The following WDR59 variants were observed in gnomAD, a reference collection of about 807,000 sequenced individuals.
WDR59 encodes WD repeat domain 59, also known as GATOR2 complex protein WDR59.
A neutral mutation model predicts 131.2 loss-of-function variants in WDR59; 100 were observed. The observed-to-expected ratio is 0.76, with a 90% CI of 0.65 to 0.90. WDR59 has a LOEUF of 0.90. Ranked by LOEUF, WDR59 falls within the 40% of genes least tolerant of loss-of-function variation. The probability of loss-of-function intolerance (pLI) is 0.00; values close to 1 mark genes in which losing one functional copy is unlikely to be tolerated. For synonymous variants in WDR59, 601 were observed against 466.2 expected (o/e 1.29, Z -3.72); for missense variants, 1,203 against 1,262.2 (o/e 0.95, Z 0.71).
intron 5 of WDR59, among the ~76,000 whole-genome samples, chr16:74,949,378 A>AAGGAAAG (rs1472074079): frequency 6.8e-6 from 1 of 146,724 alleles, no homozygotes; most frequent in African/African-American, 2.5e-5. Context: ...GAGAGGAAGG[A>AAGGAAAG]AGGAAAGACA....
chr16:74,975,294 G>C (rs974259102), intron 1 of WDR59, among the ~76,000 whole-genome samples: 1 of 152,094 alleles, frequency 6.6e-6, no homozygotes, highest in Non-Finnish European at 1.5e-5. Flanking sequence ...CCAGGAGTTG[G>C]AGAATGCAGT....
intron 8 of WDR59, among the ~76,000 whole-genome samples, chr16:74,927,683 A>AAC (rs61511176): frequency 0.023 from 2,676 of 118,220 alleles, 57 homozygotes; most frequent in South Asian, 0.1. Flanking sequence ...CTCTTTAAAA[A>AAC]ACACACACAC....
intron 22 of WDR59, 143 bp from the exon 23 acceptor site, chr16:74,887,898 A>G (rs1964845909): frequency 2.2e-6 from 2 of 910,098 alleles, no homozygotes; most frequent in Admixed American, 4.9e-5. Flanking sequence ...AAGGTGGAAC[A>G]CCTGAGGTCA....
In WDR59 at chr16:74,949,772, G is replaced by A. The variant is rs1297939434; in HGVS notation, c.353C>T (p.Pro118Leu). The A allele has an allele frequency of 6.2e-7, 1 of 1,613,996 alleles. No homozygotes were observed. The highest frequency in any genetic ancestry group is 8.5e-7 in the Non-Finnish European group (1 of 1,179,932). Reference protein sequence around the residue: ...ISDLDWAVFEPDLLVTSSVDT... With the variant: ...ISDLDWAVFELDLLVTSSVDT... ...CACAGAGCTGGTAACCAGGAGGTCA[G>A]GCTCAAACACCGCCCAGTCCAAGTC... Residue 118 changes from proline to leucine, a missense_variant, in exon 5 of 26, where the codon CCT (proline) becomes CTT (leucine). Transcript: ENST00000262144.
chr16:74,940,474 T>C (rs1237085452), intron 7 of WDR59, among the ~76,000 whole-genome samples: 5 of 152,028 alleles, frequency 3.3e-5, no homozygotes, highest in Non-Finnish European at 7.4e-5. Flanking sequence ...TGTAAAACTC[T>C]TAAAAGAAGG....
At chr16:74,966,412 G>A (rs2033778183) in intron 1 of WDR59, among the ~76,000 whole-genome samples, 2 of 152,024 alleles carry the variant, frequency 1.3e-5, no homozygotes, top group African/African-American at 4.8e-5. Flanking sequence ...CGTGGGAGGT[G>A]GAGGGTGCAG....
At chr16:74,958,927 T>C (rs924199653) in intron 2 of WDR59, among the ~76,000 whole-genome samples, 1 of 151,638 alleles carries the variant, frequency 6.6e-6, no homozygotes, top group African/African-American at 2.4e-5. Flanking sequence ...GGCATGGTGG[T>C]GCATGCCTGT....
At chr16:74,925,170 T>G (rs182402160) in intron 8 of WDR59, among the ~76,000 whole-genome samples, 22 of 152,262 alleles carry the variant, frequency 1.4e-4, no homozygotes, top group Admixed American at 1.4e-3. Context: ...AGTCTATGCA[T>G]TATTAATTTT....
At chr16:74,901,477 A>G (rs2144875464) in intron 18 of WDR59, among the ~76,000 whole-genome samples, 1 of 152,074 alleles carries the variant, frequency 6.6e-6, no homozygotes, top group East Asian at 1.9e-4. Flanking sequence ...CTCTATAAAA[A>G]TATTTGTTTT....
At chr16:74,958,347 T>C (rs7205455) in intron 2 of WDR59, among the ~76,000 whole-genome samples, 66,311 of 151,420 alleles carry the variant, frequency 0.44, 14,829 homozygotes, top group East Asian at 0.72. Context: ...CCCAGCACTT[T>C]GTGAGGCCAA....
At chr16:74,928,154 C>T (rs1037230196) in intron 8 of WDR59, among the ~76,000 whole-genome samples, 1 of 151,382 alleles carries the variant, frequency 6.6e-6, no homozygotes, top group Admixed American at 6.6e-5. Context: ...GATCCACTCA[C>T]CCCAGCCTCC....
rs145146885 is a variant in WDR59, at chr16:74,901,456, C to T, written c.1866+2491G>A. Among the ~76,000 whole-genome samples the T allele has an allele frequency of 2.6e-3, 402 of 151,988 alleles. 1 individual carries two copies. Among genetic ancestry groups the T allele is most frequent in the African/African-American group, 9.0e-3 (372 of 41,460 alleles). On this transcript the variant is annotated intron_variant, in intron 18 of 25. Transcript: ENST00000262144. ...GAGAAATCCAGCCTGGGCAACATAG[C>T]GGGACCCCAGCTCTATAAAAATATT...
intron 9 of WDR59, among the ~76,000 whole-genome samples, chr16:74,923,490 T>C (rs1371170252): frequency 6.6e-6 from 1 of 152,162 alleles, no homozygotes; most frequent in Non-Finnish European, 1.5e-5. Flanking sequence ...TTTTTTATTT[T>C]TTTTGGAGAT....
chr16:74,904,256 G>C, intron 17 of WDR59, 156 bp from the exon 18 acceptor site: 1 of 815,188 alleles, frequency 1.2e-6, no homozygotes, highest in South Asian at 1.8e-5. Flanking sequence ...ACTGAAAAAT[G>C]CTTTATCTGC....
At chr16:74,925,639 A>T (rs149786742) in intron 8 of WDR59, among the ~76,000 whole-genome samples, 6 of 151,966 alleles carry the variant, frequency 3.9e-5, no homozygotes, top group African/African-American at 9.6e-5. Context: ...AAAGGGTATG[A>T]GTGCAAAGGA....
At chr16:74,915,643 T>C (rs959221335) in intron 13 of WDR59, 2 of 438,850 alleles carry the variant, frequency 4.6e-6, no homozygotes, top group Non-Finnish European at 8.0e-6. Flanking sequence ...CTCAAACTCC[T>C]GGCTTCCTGG....
At chr16:74,937,151 C>A (rs1407420215) in intron 8 of WDR59, among the ~76,000 whole-genome samples, 1 of 152,184 alleles carries the variant, frequency 6.6e-6, no homozygotes, top group African/African-American at 2.4e-5. Context: ...CTCTGCCCTG[C>A]CATCATTCTG....
intron 1 of WDR59, among the ~76,000 whole-genome samples, chr16:74,981,643 T>TATATATAC (rs2034422296): frequency 2.7e-4 from 6 of 22,608 alleles, no homozygotes; most frequent in East Asian, 1.9e-3. Context: ...TATATATATA[T>TATATATAC]ATATATATAT....
chr16:74,934,787 G>T (rs11642521), intron 8 of WDR59, among the ~76,000 whole-genome samples: 89,479 of 151,492 alleles, frequency 0.59, 28,489 homozygotes, highest in East Asian at 0.77. Flanking sequence ...ATATATATTT[G>T]TTCTTTATAT....
Sources: allele counts gnomAD v4.1 joint callset (sites outside exome capture counted in the v4.1 genomes callset), GRCh38; gene constraint gnomAD v4.1.1; transcripts MANE v1.5; gene names NCBI Gene and HGNC (gene_info 2026-07-23, HGNC 2026-07-21).